Variants in TUSC3 observed in about 807,000 individuals in gnomAD.
TUSC3 encodes dolichyl-diphosphooligosaccharide--protein glycosyltransferase subunit TUSC3.
In TUSC3, 45 loss-of-function variants were observed where a neutral mutation model predicts 44.8. The observed-to-expected ratio is 1.00, with a 90% confidence interval of 0.79 to 1.29. The LOEUF is 1.29. Among genes scored for constraint, TUSC3 ranks in the 50% most tolerant of loss-of-function variants. TUSC3 has a pLI of 0.00. For missense variants in TUSC3, 519 were observed against 437.9 expected (o/e 1.19, Z -1.65); for synonymous variants, 212 against 152.9 (o/e 1.39, Z -2.85).
chr8:15,544,894 T>G (rs528816985), intron 1 of TUSC3, among the ~76,000 whole-genome samples: 1 of 151,968 alleles, frequency 6.6e-6, no homozygotes, highest in African/African-American at 2.4e-5. Context: ...CCAAAGCTGC[T>G]TGTCAGGAAT....
At chr8:15,465,555 T>A (rs988126712) in intron 1 of TUSC3, among the ~76,000 whole-genome samples, 1 of 152,208 alleles carries the variant, frequency 6.6e-6, no homozygotes, top group African/African-American at 2.4e-5. Flanking sequence ...AAATACACCT[T>A]ATATTTAATA....
chr8:15,678,305 C>G (rs1808275573), intron 6 of TUSC3, among the ~76,000 whole-genome samples: 1 of 152,120 alleles, frequency 6.6e-6, no homozygotes, highest in Non-Finnish European at 1.5e-5. Flanking sequence ...TGGTGGAAGT[C>G]AGGCTGGAAC....
chr8:15,705,696 T>A (rs1809587295), intron 6 of TUSC3, among the ~76,000 whole-genome samples: 1 of 152,000 alleles, frequency 6.6e-6, no homozygotes, highest in African/African-American at 2.4e-5. Context: ...CTTCATCTCT[T>A]CAATATTTAG....
intron 1 of TUSC3, among the ~76,000 whole-genome samples, chr8:15,590,338 T>C (rs1803774776): frequency 6.6e-6 from 1 of 152,078 alleles, no homozygotes; most frequent in East Asian, 1.9e-4. Context: ...TATGGCAAAG[T>C]CAAACCCAGG....
rs1801000088 is a variant in TUSC3 at position 15,503,657 on chromosome 8, T to A, written n.189+20174T>A. 2.6e-5 allele frequency among the ~76,000 whole-genome samples: 4 copies of A among 152,126 alleles called. No individual in the cohort carries two copies. In the South Asian group the frequency reaches 8.3e-4, roughly 32 times the overall value. ...AATTCGAGGTTGCAGTAAGCTACGT[T>A]CGTACCACTCCACTCCAGCCTGGGT... On this transcript the variant is annotated intron_variant and non_coding_transcript_variant, in intron 2 of 5. Transcript: ENST00000503191.
At chr8:15,493,733 C>A (rs1800841081) in intron 2 of TUSC3, among the ~76,000 whole-genome samples, 1 of 152,144 alleles carries the variant, frequency 6.6e-6, no homozygotes, top group Admixed American at 6.5e-5. Context: ...GAAAAGCTAA[C>A]TTAAGAATCA....
intron 3 of TUSC3, among the ~76,000 whole-genome samples, chr8:15,651,841 G>A (rs766965248): frequency 3.3e-5 from 5 of 152,146 alleles, no homozygotes; most frequent in Non-Finnish European, 7.3e-5. Flanking sequence ...CATTATCATC[G>A]ATGTTGTCAT....
In TUSC3 at chr8:15,764,188, TTC is replaced by T; in HGVS notation, c.*47-13_*47-12del. The T allele has an allele frequency of 6.3e-7, 1 of 1,598,722 alleles. No homozygotes were observed. Among genetic ancestry groups the T allele is most frequent in the Non-Finnish European group, 8.6e-7 (1 of 1,167,588 alleles). On this transcript the variant is annotated splice_polypyrimidine_tract_variant and intron_variant, in intron 10 of 10. Coordinates refer to ENST00000503731, the MANE Select transcript of TUSC3 (RefSeq NM_006765.4). ...GTTCTATGTTCAGCACATAATAATT[TTC>T]TTTCTTTTTCAGCTTTTTAATTAAA...
the TUSC3 span, among the ~76,000 whole-genome samples, chr8:15,829,253 T>C: frequency 6.6e-6 from 1 of 152,208 alleles, no homozygotes; most frequent in Non-Finnish European, 1.5e-5. Flanking sequence ...TCAACTTCAC[T>C]CATGTCAATT....
At chr8:15,754,592 TC>T (rs1811845048) in intron 9 of TUSC3, among the ~76,000 whole-genome samples, 1 of 152,124 alleles carries the variant, frequency 6.6e-6, no homozygotes, top group Non-Finnish European at 1.5e-5. Flanking sequence ...TTTTTCCTTT[TC>T]TTAAGAAAAG....
At chr8:15,751,310 G>A (rs2009017) in intron 9 of TUSC3, among the ~76,000 whole-genome samples, 126,299 of 152,098 alleles carry the variant, frequency 0.83, 53,094 homozygotes, top group East Asian at 0.95. Context: ...AGTTCAGAAA[G>A]TAGGTCATTC....
At chr8:15,666,385 G>GTA (rs1807663231) in intron 5 of TUSC3, among the ~76,000 whole-genome samples, 1 of 151,482 alleles carries the variant, frequency 6.6e-6, no homozygotes, top group South Asian at 2.1e-4. Flanking sequence ...TTAATACTGT[G>GTA]TATTGTAGGA....
intron 6 of TUSC3, among the ~76,000 whole-genome samples, chr8:15,702,687 T>C (rs1809454491): frequency 6.6e-6 from 1 of 152,148 alleles, no homozygotes; most frequent in African/African-American, 2.4e-5. Context: ...TGAATACTAT[T>C]CTCCAGATGC....
intron 1 of TUSC3, among the ~76,000 whole-genome samples, chr8:15,455,512 T>C (rs144516922): frequency 4.6e-5 from 7 of 152,284 alleles, no homozygotes; most frequent in Non-Finnish European, 7.3e-5. Flanking sequence ...TGTATATATG[T>C]GTATATACAT....
chr8:15,491,060 A>T (rs1800801874), intron 2 of TUSC3, among the ~76,000 whole-genome samples: 1 of 152,192 alleles, frequency 6.6e-6, no homozygotes, highest in Non-Finnish European at 1.5e-5. Flanking sequence ...CACATTTTAC[A>T]TATGAGAAGG....
intron 2 of TUSC3, among the ~76,000 whole-genome samples, chr8:15,499,481 C>G (rs1030493391): frequency 6.6e-6 from 1 of 152,178 alleles, no homozygotes; most frequent in African/African-American, 2.4e-5. Flanking sequence ...ATATCTATCA[C>G]TACAGAGCAG....
At chr8:15,625,143 C>CG (rs1805438912) in intron 2 of TUSC3, among the ~76,000 whole-genome samples, 1 of 152,040 alleles carries the variant, frequency 6.6e-6, no homozygotes, top group Non-Finnish European at 1.5e-5. Context: ...TAATCAGTTA[C>CG]ATTGATTGAT....
intron 4 of TUSC3, among the ~76,000 whole-genome samples, chr8:15,660,644 A>G (rs554815413): frequency 4.6e-5 from 7 of 151,944 alleles, no homozygotes; most frequent in Non-Finnish European, 8.8e-5. Context: ...AATTGCCCAC[A>G]TGGTACCACT....
chr8:15,760,983 A>G (rs1474523811), intron 10 of TUSC3, among the ~76,000 whole-genome samples: 1 of 152,112 alleles, frequency 6.6e-6, no homozygotes, highest in South Asian at 2.1e-4. Context: ...AATCACACCC[A>G]GGTCTTTCCT....
Sources: gnomAD v4.1 joint callset for allele counts (sites outside exome capture counted in the v4.1 genomes callset) on GRCh38, gnomAD v4.1.1 for gene constraint, MANE v1.5 for transcripts, NCBI Gene and HGNC (gene_info 2026-07-23, HGNC 2026-07-21) for gene names.